LRRC49: variants seen among roughly 807,000 people sequenced by gnomAD.
LRRC49 encodes the protein leucine-rich repeat-containing protein 49.
LRRC49 carries 50 observed loss-of-function variants against 83.3 expected under a neutral mutation model. That is an observed-to-expected ratio of 0.60 (90% CI 0.48 to 0.76). The LOEUF (loss-of-function observed/expected upper bound fraction) is 0.76. LRRC49 is among the 30% of genes least tolerant of loss of function. The pLI, the probability that LRRC49 is intolerant of heterozygous loss-of-function variation, is 0.00. For synonymous variants in LRRC49, 286 were observed against 283.3 expected (o/e 1.01, Z -0.10); for missense variants, 704 against 809.1 (o/e 0.87, Z 1.58).
chr15:70,857,729 T>C (rs1051272083), intron 1 of LRRC49, among the ~76,000 whole-genome samples: 8 of 152,138 alleles, frequency 5.3e-5, no homozygotes, highest in East Asian at 1.9e-4. Flanking sequence ...GAAATCCATA[T>C]AGGGAGGCAC....
At position 70,973,998 on chromosome 15, in the gene LRRC49, G is replaced by A. The variant is rs994717221; in HGVS notation, c.922-6103G>A. Among the ~76,000 whole-genome samples, 27 of 151,968 alleles carry A rather than the reference G, an allele frequency of 1.8e-4. 1 individual carries two copies. Among genetic ancestry groups the A allele is most frequent in the African/African-American group, 4.3e-4 (18 of 41,466 alleles). ...AAAAATTAGCTGGGCATGGTGGTGC[G>A]TGCCTGTAATCCCAGCTACTCGGGA... is the stretch of plus-strand genomic sequence containing the variant. On this transcript the variant is annotated intron_variant, in intron 9 of 15. Transcript: ENST00000260382.
upstream of LRRC49, among the ~76,000 whole-genome samples, chr15:70,891,335 T>C (rs1217573838): frequency 6.6e-6 from 1 of 152,084 alleles, no homozygotes; most frequent in Non-Finnish European, 1.5e-5. Context: ...TAAAGGAAGC[T>C]TGGGGTGGGA....
At chr15:70,889,427 T>C (rs1403342785), upstream of LRRC49, among the ~76,000 whole-genome samples, 1 of 152,074 alleles carries the variant, frequency 6.6e-6, no homozygotes, top group Non-Finnish European at 1.5e-5. Flanking sequence ...TGGGGTGATA[T>C]AGGGACTCCT....
At chr15:70,948,129 C>T (rs937865587) in intron 8 of LRRC49, among the ~76,000 whole-genome samples, 8 of 151,904 alleles carry the variant, frequency 5.3e-5, no homozygotes, top group Non-Finnish European at 7.4e-5. Flanking sequence ...CGTGTGTGTT[C>T]GTGTGTGTTC....
At chr15:70,988,186 A>G (rs1319950443) in intron 11 of LRRC49, among the ~76,000 whole-genome samples, 1 of 151,222 alleles carries the variant, frequency 6.6e-6, no homozygotes, top group African/African-American at 2.4e-5. Context: ...ATTCCTGGGT[A>G]TCCTTGTTAA....
intron 1 of LRRC49, among the ~76,000 whole-genome samples, chr15:70,865,001 C>T (rs1326208532): frequency 1.3e-5 from 2 of 152,172 alleles, no homozygotes; most frequent in Non-Finnish European, 2.9e-5. Flanking sequence ...GTCAACACCA[C>T]CAGCACAGTC....
intron 15 of LRRC49, among the ~76,000 whole-genome samples, chr15:71,045,708 T>G (rs2039835175): frequency 6.6e-6 from 1 of 152,202 alleles, no homozygotes; most frequent in Non-Finnish European, 1.5e-5. Context: ...TATTTTATTT[T>G]TAAATATTTC....
At position 71,013,604 on chromosome 15, in the gene LRRC49, A is replaced by T. The variant is rs1355476223; in HGVS notation, c.1703+691A>T. Reference sequence around the variant, plus strand: ...AGGGCAGCAAGATGGAGAAGAGGAAACCTGACAGAACACACTAACTGACGA... The same window carrying T: ...AGGGCAGCAAGATGGAGAAGAGGAATCCTGACAGAACACACTAACTGACGA... On this transcript the variant is annotated intron_variant, in intron 14 of 15. Transcript: ENST00000260382. Among the ~76,000 whole-genome samples the T allele has an allele frequency of 2.6e-5, 4 of 152,180 alleles. No homozygotes were observed. In the East Asian group the frequency reaches 7.7e-4, roughly 29 times the overall value.
At chr15:70,869,966 A>T (rs893585819) in intron 1 of LRRC49, among the ~76,000 whole-genome samples, 6 of 152,222 alleles carry the variant, frequency 3.9e-5, no homozygotes, top group African/African-American at 1.4e-4. Flanking sequence ...CTAAAAAAAA[A>T]AATTATTTAG....
intron 11 of LRRC49, among the ~76,000 whole-genome samples, chr15:70,987,819 G>A (rs1048653331): frequency 3.3e-5 from 5 of 152,046 alleles, no homozygotes; most frequent in African/African-American, 7.2e-5. Context: ...GTGTCCCAGC[G>A]ATTCTGGTAT....
chr15:70,863,987 G>T (rs538555798), intron 1 of LRRC49, among the ~76,000 whole-genome samples: 1 of 152,178 alleles, frequency 6.6e-6, no homozygotes, highest in Non-Finnish European at 1.5e-5. Context: ...TTGGTGCCTG[G>T]TGGACACAGT....
chr15:70,930,987 G>A (rs1443314985), intron 7 of LRRC49, among the ~76,000 whole-genome samples: 2 of 152,072 alleles, frequency 1.3e-5, no homozygotes, highest in Non-Finnish European at 2.9e-5. Flanking sequence ...TTTATTAATT[G>A]TGTGTTCCAC....
intron 11 of LRRC49, among the ~76,000 whole-genome samples, chr15:70,985,706 T>G (rs1298698651): frequency 6.6e-6 from 1 of 151,668 alleles, no homozygotes; most frequent in Non-Finnish European, 1.5e-5. Context: ...TCCTTGCCCA[T>G]GCCTATGTCC....
chr15:71,026,509 T>C (rs976961667), intron 14 of LRRC49, among the ~76,000 whole-genome samples: 7 of 152,298 alleles, frequency 4.6e-5, no homozygotes, highest in African/African-American at 1.4e-4. Flanking sequence ...TCCACGATGG[T>C]TGAACTAATT....
intron 8 of LRRC49, among the ~76,000 whole-genome samples, chr15:70,948,415 A>G (rs1409725297): frequency 1.3e-5 from 2 of 151,836 alleles, no homozygotes; most frequent in Non-Finnish European, 2.9e-5. Flanking sequence ...AAAGCTGTGA[A>G]TATCTGTTAA....
chr15:71,024,902 C>T (rs1286385351), intron 14 of LRRC49, among the ~76,000 whole-genome samples: 3 of 152,032 alleles, frequency 2.0e-5, no homozygotes, highest in Non-Finnish European at 4.4e-5. Flanking sequence ...CACAATGCAA[C>T]CACAAGTATC....
chr15:71,043,179 G>A (rs956740305), intron 15 of LRRC49, among the ~76,000 whole-genome samples: 8 of 152,138 alleles, frequency 5.3e-5, no homozygotes, highest in African/African-American at 1.9e-4. Flanking sequence ...TTAATCCTGA[G>A]CAGATCTCTC....
At position 71,008,550 on chromosome 15, in the gene LRRC49, T is replaced by C; in HGVS notation, c.1341T>C (p.Thr447=). ...GAATGATCACAACAGTCTCCTTCACTTTCATAGAATTTGATGAAATCGTCC... is the reference window on the plus strand; with the variant it reads ...GAATGATCACAACAGTCTCCTTCACCTTCATAGAATTTGATGAAATCGTCC... The part of the protein sequence containing the change: ...TAGMITTVSF[T]FIEFDEIVQV... The change falls in exon 12 of 16, where the codon ACT becomes ACC. Residue 447 remains threonine (T), a synonymous_variant. Coordinates refer to ENST00000260382, the MANE Select transcript of LRRC49 (RefSeq NM_017691.5). The C allele has an allele frequency of 6.2e-7, 1 of 1,612,752 alleles. No homozygotes were observed. The highest frequency in any genetic ancestry group is 8.5e-7 in the Non-Finnish European group (1 of 1,179,158).
chr15:71,048,156 G>A (rs2039910511), intron 15 of LRRC49, among the ~76,000 whole-genome samples: 1 of 146,212 alleles, frequency 6.8e-6, no homozygotes, highest in African/African-American at 2.6e-5. Context: ...CATGATCATA[G>A]CTTAAACTGT....
Sources: allele counts gnomAD v4.1 joint callset (sites outside exome capture counted in the v4.1 genomes callset), GRCh38; gene constraint gnomAD v4.1.1; transcripts MANE v1.5; gene names NCBI Gene and HGNC (gene_info 2026-07-23, HGNC 2026-07-21).